Variants in SIX6 observed in about 807,000 individuals in gnomAD.
SIX6 encodes SIX homeobox 6.
A neutral mutation model predicts 23.6 loss-of-function variants in SIX6; 14 were observed. That is an observed-to-expected ratio of 0.59 (90% confidence interval 0.39 to 0.93). The LOEUF (loss-of-function observed/expected upper bound fraction) is 0.93, where lower values mean the gene tolerates loss of function less well. SIX6 is among the 40% of genes least tolerant of loss of function. The pLI, the probability that SIX6 is intolerant of heterozygous loss-of-function variation, is 0.00. For missense variants in SIX6, 307 were observed against 325.6 expected, an observed-to-expected ratio of 0.94 and a Z score of 0.44; for synonymous variants, 128 against 144.9, an observed-to-expected ratio of 0.88 and a Z score of 0.84.
rs1323822988 is a variant in SIX6, at chr14:60,509,568, G to T, written c.170G>T (p.Arg57Leu). The T allele has an allele frequency of 6.2e-7, 1 of 1,612,450 alleles. No individual in the cohort carries two copies. The highest frequency in any genetic ancestry group is 8.5e-7 in the Non-Finnish European group (1 of 1,180,022). ...LNKNESVLRA[R>L]AIVAFHGGNY... Reference sequence around the variant, plus strand: ...AAGAATGAGTCGGTGCTACGCGCACGAGCCATCGTGGCCTTTCACGGTGGC... The same window carrying T: ...AAGAATGAGTCGGTGCTACGCGCACTAGCCATCGTGGCCTTTCACGGTGGC... Residue 57 changes from arginine (R) to leucine (L), a missense_variant, in exon 1 of 2, where the codon CGA (arginine) becomes CTA (leucine). Transcript: ENST00000327720.
Position 60,512,347 on chromosome 14 carries a change from A to G in SIX6, c.*1095A>G, listed in dbSNP as rs2140190787. The G allele has an allele frequency of 6.6e-6, 1 of 152,346 alleles. No homozygotes were observed. The highest frequency in any genetic ancestry group is 1.9e-4 in the East Asian group (1 of 5,190). 9.4% of individuals were successfully genotyped at this position (152,346 alleles called of 1,614,324 possible). A position where few individuals can be genotyped will look rare whatever the true frequency, so the allele number is the denominator to read the frequency against. On this transcript the variant is annotated 3_prime_UTR_variant, in exon 2 of 2. Transcript: ENST00000327720. Reference sequence around the variant, plus strand: ...CCCCTCCAATACAAAAGCAGCAGGCACCCATGATCATGCTAGAGTGAGCAT... The same window carrying G: ...CCCCTCCAATACAAAAGCAGCAGGCGCCCATGATCATGCTAGAGTGAGCAT...
chr14:60,509,325 C>T lies in SIX6; in HGVS notation c.-74C>T, dbSNP rs1293615972. ...CTCATCAACAAGCGCCTGGCACACT[C>T]AGCCAGGCCCGCGGGCATCTGCTGC... On this transcript the variant is annotated 5_prime_UTR_variant, in exon 1 of 2. Coordinates refer to ENST00000327720, the MANE Select transcript of SIX6 (RefSeq NM_007374.3). 3 of 1,312,326 alleles carry T rather than the reference C, an allele frequency of 2.3e-6. No homozygotes were observed. Among genetic ancestry groups the T allele is most frequent in the African/African-American group, 2.9e-5 (2 of 69,326 alleles). The allele number at this position is 1,312,326 out of a possible 1,614,324, so 81.3% of individuals were successfully genotyped here.
chr14:60,511,606 A>G lies in SIX6; in HGVS notation c.*354A>G. Reference sequence around the variant, plus strand: ...TATTTCACGTCGAAAGGACGCTGTTACATATGTATAACTTTCGCTTTAAAG... The same window carrying G: ...TATTTCACGTCGAAAGGACGCTGTTGCATATGTATAACTTTCGCTTTAAAG... On this transcript the variant is annotated 3_prime_UTR_variant, in exon 2 of 2. Transcript: ENST00000327720. 1 of 448,014 alleles carries G rather than the reference A, an allele frequency of 2.2e-6. No individual in the cohort carries two copies. Among genetic ancestry groups the G allele is most frequent in the Non-Finnish European group, 4.1e-6 (1 of 241,950 alleles). 27.8% of individuals were successfully genotyped at this position (448,014 alleles called of 1,614,324 possible).
In SIX6 at chr14:60,512,715, A is replaced by T. The variant is rs143162265; in HGVS notation, c.*1463A>T. 1.4e-4 allele frequency: 22 copies of T among 152,366 alleles called. No homozygotes were observed. In the East Asian group the frequency reaches 4.2e-3, roughly 29 times the overall value. 9.4% of individuals were successfully genotyped at this position (152,366 alleles called of 1,614,324 possible). A position where few individuals can be genotyped will look rare whatever the true frequency, so the allele number is the denominator to read the frequency against. ...TGCACATGCATGTATGCACCTATAC[A>T]TGAACAAATGCATGCATATACAACG... On this transcript the variant is annotated 3_prime_UTR_variant, in exon 2 of 2. Coordinates refer to ENST00000327720, the MANE Select transcript of SIX6 (RefSeq NM_007374.3).
chr14:60,510,044 C>A, intron 1 of SIX6, 74 bp downstream of exon 1: 1 of 1,336,634 alleles, frequency 7.5e-7, no homozygotes, highest in Non-Finnish European at 1.1e-6. Flanking sequence ...GGCGCCCTTA[C>A]CCAGTCCCTG....
chr14:60,509,535 C>T lies in SIX6; in HGVS notation c.137C>T (p.Ala46Val), dbSNP rs1477969359. 3 of 1,609,268 alleles carry T rather than the reference C, an allele frequency of 1.9e-6. No individual in the cohort carries two copies. Among genetic ancestry groups the T allele is most frequent in the Non-Finnish European group, 1.7e-6 (2 of 1,180,008 alleles). ...CCCGTGGCCCCTGCGGCCTGCGAGGCCCTCAACAAGAATGAGTCGGTGCTA... is the reference window on the plus strand; with the variant it reads ...CCCGTGGCCCCTGCGGCCTGCGAGGTCCTCAACAAGAATGAGTCGGTGCTA... ...SLPVAPAACEALNKNESVLRA... is the reference protein window; with the variant it reads ...SLPVAPAACEVLNKNESVLRA... Residue 46 changes from alanine to valine, a missense_variant, in exon 1 of 2, where the codon GCC becomes GTC. Ala to Val is a moderately conservative substitution (Grantham distance 64). Coordinates refer to ENST00000327720, the MANE Select transcript of SIX6 (RefSeq NM_007374.3).
At chr14:60,510,790 A>G (rs1039845096) in intron 1 of SIX6, among the ~76,000 whole-genome samples, 3 of 152,202 alleles carry the variant, frequency 2.0e-5, no homozygotes, top group Non-Finnish European at 4.4e-5. Context: ...AAATCTCCCA[A>G]AAGTGCACAA....
rs1430363263 is a variant in SIX6, at chr14:60,512,420, T to C, written c.*1168T>C. On this transcript the variant is annotated 3_prime_UTR_variant, in exon 2 of 2. Transcript: ENST00000327720. ...ATTATTAAAATAAGACAAAAGATGATAGAAGAGGTTGTAAATAATTAGACT... is the reference window on the plus strand; with the variant it reads ...ATTATTAAAATAAGACAAAAGATGACAGAAGAGGTTGTAAATAATTAGACT... The C allele has an allele frequency of 6.6e-6, 1 of 152,188 alleles. No homozygotes were observed. Among genetic ancestry groups the C allele is most frequent in the Non-Finnish European group, 1.5e-5 (1 of 68,028 alleles). The allele number at this position is 152,188 out of a possible 1,614,324, so 9.4% of individuals were successfully genotyped here. A position where few individuals can be genotyped will look rare whatever the true frequency, so the allele number is the denominator to read the frequency against.
chr14:60,511,442 C>T lies in SIX6; in HGVS notation c.*190C>T, dbSNP rs1566691737. 2 of 682,250 alleles carry T rather than the reference C, an allele frequency of 2.9e-6. No individual in the cohort carries two copies. Among genetic ancestry groups the T allele is most frequent in the East Asian group, 2.7e-5 (1 of 36,922 alleles). 42.3% of individuals were successfully genotyped at this position (682,250 alleles called of 1,614,324 possible). Reference sequence around the variant, plus strand: ...GCCTGGCTTCACTGGCGCCCTTTGGCCGCGACCACGGGAACCAGCGGTGAG... The same window carrying T: ...GCCTGGCTTCACTGGCGCCCTTTGGTCGCGACCACGGGAACCAGCGGTGAG... On this transcript the variant is annotated 3_prime_UTR_variant, in exon 2 of 2. Transcript: ENST00000327720.
Position 60,509,534 on chromosome 14 carries a change from G to T in SIX6, c.136G>T (p.Ala46Ser). ...GCCCGTGGCCCCTGCGGCCTGCGAG[G>T]CCCTCAACAAGAATGAGTCGGTGCT... is the stretch of plus-strand genomic sequence containing the variant. ...SLPVAPAACE[A>S]LNKNESVLRA... is the part of the protein sequence containing the mutation. Residue 46 changes from alanine (A) to serine (S), a missense_variant, in exon 1 of 2, where the codon GCC becomes TCC. By Grantham distance (99) the Ala-to-Ser change is moderately conservative (BLOSUM62 1). Transcript: ENST00000327720. 6.2e-7 allele frequency: 1 copy of T among 1,609,192 alleles called. No homozygotes were observed. Among genetic ancestry groups the T allele is most frequent in the Admixed American group, 1.7e-5 (1 of 60,022 alleles).
Position 60,511,158 on chromosome 14 carries a change from T to A in SIX6, c.647T>A (p.Leu216Gln), listed in dbSNP as rs1300656876. 1 of 1,612,634 alleles carries A rather than the reference T, an allele frequency of 6.2e-7. No homozygotes were observed. ...RAEGDGTPEVLGVATSPAASL... is the reference protein window; with the variant it reads ...RAEGDGTPEVQGVATSPAASL... ...GAGGGCGACGGCACGCCAGAGGTGC[T>A]GGGCGTCGCCACCAGCCCGGCCGCC... The change falls in exon 2 of 2, where the codon CTG becomes CAG. Residue 216 changes from leucine (L) to glutamine (Q), a missense_variant. Transcript: ENST00000327720.
Position 60,509,866 on chromosome 14 carries a change from C to A in SIX6, c.468C>A (p.Ser156Arg). Residue 156 changes from serine to arginine, a missense_variant, in exon 1 of 2, where the codon AGC (serine) becomes AGA (arginine). Physicochemically the swap from Ser to Arg is moderately radical, Grantham distance 110 (BLOSUM62 -1). Transcript: ENST00000327720. Reference protein sequence around the residue: ...WYLQDPYPNPSKKRELAQATG... With the variant: ...WYLQDPYPNPRKKRELAQATG... ...TGCAGGATCCATACCCTAACCCCAG[C>A]AAAAAACGTGAGCTCGCCCAGGCAA... 1 of 1,613,688 alleles carries A rather than the reference C, an allele frequency of 6.2e-7. No individual in the cohort carries two copies. Among genetic ancestry groups the A allele is most frequent in the Non-Finnish European group, 8.5e-7 (1 of 1,179,770 alleles).
chr14:60,511,130 G>A lies in SIX6; in HGVS notation c.619G>A (p.Ala207Thr). ...ACAGGGTTCCGGGCGGGCACTACGG[G>A]CGGAGGGCGACGGCACGCCAGAGGT... ...LSQGSGRALR[A>T]EGDGTPEVLG... The change falls in exon 2 of 2, where the codon GCG becomes ACG. Residue 207 changes from alanine to threonine, a missense_variant. Coordinates refer to ENST00000327720, the MANE Select transcript of SIX6 (RefSeq NM_007374.3). 6.2e-7 allele frequency: 1 copy of A among 1,612,858 alleles called. No homozygotes were observed. Among genetic ancestry groups the A allele is most frequent in the Non-Finnish European group, 8.5e-7 (1 of 1,179,862 alleles).
At chr14:60,511,049 C>T (rs373345115) in intron 1 of SIX6, 35 bp from the exon 2 acceptor site, 2 of 1,605,860 alleles carry the variant, frequency 1.2e-6, no homozygotes, top group Non-Finnish European at 1.7e-6. Flanking sequence ...GGCTGTGTTA[C>T]GAGCTGTGAC....
At chr14:60,510,243 GA>G (rs1007891844) in intron 1 of SIX6, among the ~76,000 whole-genome samples, 13 of 152,146 alleles carry the variant, frequency 8.5e-5, no homozygotes, top group African/African-American at 3.1e-4. Context: ...GAGAGGGGAA[GA>G]GAAATAAAAA....
chr14:60,510,079 G>T, intron 1 of SIX6, 109 bp downstream of exon 1: 1 of 1,005,516 alleles, frequency 9.9e-7, no homozygotes, highest in Non-Finnish European at 1.5e-6. Context: ...GCAGGAGTTG[G>T]GAGCGCGGTC....
chr14:60,510,526 G>T (rs1008401059), intron 1 of SIX6, among the ~76,000 whole-genome samples: 2 of 152,212 alleles, frequency 1.3e-5, no homozygotes, highest in African/African-American at 4.8e-5. Context: ...GTGGGCCGAG[G>T]CTTTTCGTTT....
Position 60,511,159 on chromosome 14 carries a change from G to C in SIX6, c.648G>C (p.Leu216=). ...RAEGDGTPEV[L]GVATSPAASL... is the part of the protein sequence containing the mutation. ...AGGGCGACGGCACGCCAGAGGTGCT[G>C]GGCGTCGCCACCAGCCCGGCCGCCA... The change falls in exon 2 of 2, where the codon CTG becomes CTC. Residue 216 remains leucine (L), a synonymous_variant. Transcript: ENST00000327720. The C allele has an allele frequency of 6.2e-7, 1 of 1,612,962 alleles. No homozygotes were observed. The highest frequency in any genetic ancestry group is 8.5e-7 in the Non-Finnish European group (1 of 1,179,906).
Position 60,511,734 on chromosome 14 carries a change from C to G in SIX6, c.*482C>G, listed in dbSNP as rs972776293. 3.0e-5 allele frequency: 7 copies of G among 235,220 alleles called. No individual in the cohort carries two copies. Among genetic ancestry groups the G allele is most frequent in the African/African-American group, 1.6e-4 (7 of 43,794 alleles). The allele number at this position is 235,220 out of a possible 1,614,324, so 14.6% of individuals were successfully genotyped here. On this transcript the variant is annotated 3_prime_UTR_variant, in exon 2 of 2. Coordinates refer to ENST00000327720, the MANE Select transcript of SIX6 (RefSeq NM_007374.3). The stretch of plus-strand genomic sequence containing the variant: ...GGGGAACTTGCTGTTTCTAAACATG[C>G]AGGCTGGTGGTGATGGGTTCTGTGT...
Sources: allele counts gnomAD v4.1 joint callset (sites outside exome capture counted in the v4.1 genomes callset), GRCh38; gene constraint gnomAD v4.1.1; transcripts MANE v1.5; gene names NCBI Gene and HGNC (gene_info 2026-07-23, HGNC 2026-07-21).